Variants in CPED1 observed in about 807,000 individuals in gnomAD.
CPED1 encodes cadherin-like and PC-esterase domain-containing protein 1.
In CPED1, 114 loss-of-function variants were observed where a neutral mutation model predicts 128.2. The ratio of observed to expected loss-of-function variants is 0.89; its 90% CI spans 0.76 to 1.04. CPED1 has a LOEUF of 1.04. Among genes scored for constraint, CPED1 ranks in the 50% least tolerant of loss-of-function variants. The probability of loss-of-function intolerance (pLI) is 0.00; values close to 1 mark genes in which losing one functional copy is unlikely to be tolerated. For missense variants in CPED1, 1,211 were observed against 1,207.1 expected (o/e 1.00, Z -0.05); for synonymous variants, 462 against 426.7 (o/e 1.08, Z -1.02).
chr7:120,997,933 AAAATAAAATAAAATAAAAT>A, intron 2 of CPED1, among the ~76,000 whole-genome samples: 1 of 5,848 alleles, frequency 1.7e-4, no homozygotes, highest in East Asian at 5.6e-3. Flanking sequence ...GAAAAAAAAT[AAAATAAAATAAAATAAAAT>A]AAAATAAAAT....
intron 3 of CPED1, among the ~76,000 whole-genome samples, chr7:121,022,510 G>A (rs1792468633): frequency 6.6e-6 from 1 of 151,876 alleles, no homozygotes; most frequent in African/African-American, 2.4e-5. Flanking sequence ...CAGGTTGGAT[G>A]AGTTTCTTTC....
At chr7:121,261,920 T>C in intron 18 of CPED1, 1 of 522,240 alleles carries the variant, frequency 1.9e-6, no homozygotes, top group Non-Finnish European at 3.4e-6. Context: ...ATAAGCCTAT[T>C]GATATAGTTT....
intron 16 of CPED1, among the ~76,000 whole-genome samples, chr7:121,215,099 C>T (rs1797731033): frequency 6.6e-6 from 1 of 151,970 alleles, no homozygotes. Flanking sequence ...TCTTCTACCC[C>T]TCTGTGTCTA....
chr7:121,002,412 G>C (rs1791884270), intron 2 of CPED1, among the ~76,000 whole-genome samples: 1 of 152,160 alleles, frequency 6.6e-6, no homozygotes, highest in South Asian at 2.1e-4. Context: ...CCAGAGGGCA[G>C]AAGTGATTTT....
At chr7:121,049,780 T>A (rs1166425236) in intron 4 of CPED1, among the ~76,000 whole-genome samples, 1 of 152,182 alleles carries the variant, frequency 6.6e-6, no homozygotes, top group Non-Finnish European at 1.5e-5. Context: ...TCTTTCTCAG[T>A]CCTCTTTGCC....
intron 18 of CPED1, among the ~76,000 whole-genome samples, chr7:121,258,269 C>T (rs1411753193): frequency 6.6e-6 from 1 of 152,066 alleles, no homozygotes; most frequent in Non-Finnish European, 1.5e-5. Flanking sequence ...GTTTGTTGAA[C>T]CAAATATCTG....
At chr7:121,060,945 C>A (rs1010228003) in intron 4 of CPED1, among the ~76,000 whole-genome samples, 1 of 152,228 alleles carries the variant, frequency 6.6e-6, no homozygotes, top group South Asian at 2.1e-4. Flanking sequence ...CACGAGCCCC[C>A]CGGGAGGAAC....
chr7:121,154,747 T>G (rs953729321), intron 16 of CPED1, among the ~76,000 whole-genome samples: 2 of 152,120 alleles, frequency 1.3e-5, no homozygotes, highest in African/African-American at 4.8e-5. Flanking sequence ...GGTTTCACCA[T>G]GTTGGCCAGG....
intron 16 of CPED1, among the ~76,000 whole-genome samples, chr7:121,228,676 C>A (rs192648227): frequency 2.6e-4 from 40 of 151,592 alleles, no homozygotes; most frequent in Admixed American, 2.1e-3. Context: ...ATCCGTTTAT[C>A]AAAGGGATAC....
chr7:121,163,440 C>T (rs923272733), intron 16 of CPED1, among the ~76,000 whole-genome samples: 6 of 152,186 alleles, frequency 3.9e-5, no homozygotes, highest in Non-Finnish European at 5.9e-5. Flanking sequence ...GGAGGAGCTG[C>T]AGGCAAAGTA....
At chr7:121,292,925 G>A (rs1026649760) in intron 22 of CPED1, among the ~76,000 whole-genome samples, 5 of 152,164 alleles carry the variant, frequency 3.3e-5, no homozygotes, top group African/African-American at 9.7e-5. Flanking sequence ...CCAGATGCCA[G>A]CCAGAGCTCT....
At chr7:121,268,410 G>T (rs1442101956) in intron 21 of CPED1, among the ~76,000 whole-genome samples, 1 of 152,050 alleles carries the variant, frequency 6.6e-6, no homozygotes, top group Non-Finnish European at 1.5e-5. Flanking sequence ...TAAACATTAT[G>T]ACTGCCACCT....
intron 16 of CPED1, among the ~76,000 whole-genome samples, chr7:121,203,197 T>C (rs1236045234): frequency 3.9e-5 from 6 of 152,042 alleles, no homozygotes; most frequent in Non-Finnish European, 7.4e-5. Flanking sequence ...TAAACCTACA[T>C]CTCCAAATCC....
chr7:121,108,505 ATAATCT>A (rs1292932061), intron 7 of CPED1, among the ~76,000 whole-genome samples: 1 of 152,150 alleles, frequency 6.6e-6, no homozygotes, highest in East Asian at 1.9e-4. Flanking sequence ...ATAAAATATA[ATAATCT>A]TAATTTTTTT....
chr7:121,217,347 A>T (rs1797780777), intron 16 of CPED1, among the ~76,000 whole-genome samples: 1 of 152,068 alleles, frequency 6.6e-6, no homozygotes, highest in Admixed American at 6.6e-5. Flanking sequence ...ATGATTCCAT[A>T]AAAAATGTAG....
chr7:121,231,339 G>A (rs555134775), intron 16 of CPED1, among the ~76,000 whole-genome samples: 128 of 152,178 alleles, frequency 8.4e-4, no homozygotes, highest in Middle Eastern at 6.8e-3. Context: ...TTGTCAGCAC[G>A]AATTTGAGCA....
chr7:121,100,644 AG>A (rs1344192050), intron 7 of CPED1, among the ~76,000 whole-genome samples: 55 of 152,304 alleles, frequency 3.6e-4, no homozygotes, highest in African/African-American at 1.3e-3. Flanking sequence ...AAGTTATAAA[AG>A]GTAGCTCAGG....
Position 121,050,994 on chromosome 7 carries a change from A to C in CPED1, c.540+4001A>C, listed in dbSNP as rs1793337365. 7.5e-6 allele frequency: 4 copies of C among 530,400 alleles called. No individual in the cohort carries two copies. In the Admixed American group the frequency reaches 8.3e-5, roughly 11 times the overall value. The allele number at this position is 530,400 out of a possible 1,614,324, so 32.9% of individuals were successfully genotyped here. On this transcript the variant is annotated intron_variant, in intron 4 of 22. Transcript: ENST00000310396. ...AGTTGTCAGCTAAACCTGCTCCTGC[A>C]AAAGTGGAAGCGAAGCTGAAAAAGG...
intron 2 of CPED1, among the ~76,000 whole-genome samples, chr7:121,000,630 T>C (rs1791824281): frequency 1.3e-5 from 2 of 152,134 alleles, no homozygotes; most frequent in Admixed American, 1.3e-4. Flanking sequence ...CTACCGTTCA[T>C]TTATAGTGCA....
Sources: allele counts gnomAD v4.1 joint callset (sites outside exome capture counted in the v4.1 genomes callset), GRCh38; gene constraint gnomAD v4.1.1; transcripts MANE v1.5; gene names NCBI Gene and HGNC (gene_info 2026-07-23, HGNC 2026-07-21).